Variants in PHF8 observed in about 807,000 individuals in gnomAD.
PHF8 encodes PHD finger protein 8, also known as histone lysine demethylase PHF8.
Under a neutral mutation model 74.4 loss-of-function variants are expected in PHF8, and 9 were observed. The ratio of observed to expected loss-of-function variants is 0.12; its 90% confidence interval spans 0.07 to 0.21. The LOEUF is 0.21. Ranked by LOEUF, PHF8 falls within the 10% of genes least tolerant of loss-of-function variation. The probability of loss-of-function intolerance (pLI) is 1.00; values close to 1 mark genes in which losing one functional copy is unlikely to be tolerated. For synonymous variants in PHF8, 311 were observed against 316.6 expected (o/e 0.98, Z 0.19); for missense variants, 478 against 816.6 (o/e 0.59, Z 5.05).
intron 2 of PHF8, among the ~76,000 whole-genome samples, chrX:54,027,754 C>T (rs891443882): frequency 9.0e-6 from 1 of 110,912 alleles, no homozygotes; most frequent in East Asian, 2.8e-4. Flanking sequence ...AATGAGCATC[C>T]GCCAGGCTCT....
Position 54,022,391 on chromosome X carries a change from T to C in PHF8, c.185-24A>G, listed in dbSNP as rs181296301. 7.0e-6 allele frequency: 7 copies of C among 1,000,825 alleles called. No individual in the cohort carries two copies. In the East Asian group the frequency reaches 2.1e-4, roughly 30 times the overall value. The allele number at this position is 1,000,825 out of a possible 1,213,427, so 82.5% of individuals were successfully genotyped here. On this transcript the variant is annotated intron_variant, in intron 3 of 21. Coordinates refer to ENST00000338154, the MANE Select transcript of PHF8 (RefSeq NM_015107.3). ...CACTAAGCCAGAAAAACATGAGAGATTGTGAGTCAGAACGGTCATGAGCTA... is the reference window on the plus strand; with the variant it reads ...CACTAAGCCAGAAAAACATGAGAGACTGTGAGTCAGAACGGTCATGAGCTA...
At chrX:54,023,532 A>G (rs1557110588) in intron 2 of PHF8, among the ~76,000 whole-genome samples, 1 of 109,603 alleles carries the variant, frequency 9.1e-6, no homozygotes, top group Non-Finnish European at 1.9e-5. Context: ...TTCCCTTACT[A>G]GGGAAGGCAC....
At chrX:53,959,320 G>A (rs782221331) in intron 19 of PHF8, among the ~76,000 whole-genome samples, 2 of 111,613 alleles carry the variant, frequency 1.8e-5, no homozygotes, top group Admixed American at 1.9e-4. Flanking sequence ...AACTCCAAGA[G>A]TCTCTGAATG....
At chrX:53,985,728 T>C in intron 17 of PHF8, 88 bp downstream of exon 17, 1 of 1,194,271 alleles carries the variant, frequency 8.4e-7, no homozygotes, top group Non-Finnish European at 1.1e-6. Context: ...TCTATAAATA[T>C]CTACTGATTG....
chrX:53,975,336 G>T (rs1557095712), intron 18 of PHF8, among the ~76,000 whole-genome samples: 2 of 111,896 alleles, frequency 1.8e-5, no homozygotes, highest in Non-Finnish European at 3.8e-5. Context: ...AGTAAAAATA[G>T]AACTACCATA....
chrX:53,937,742 T>G lies in PHF8; in HGVS notation c.*1416A>C. 2.7e-6 allele frequency: 1 copy of G among 363,753 alleles called. No individual in the cohort carries two copies. The allele number at this position is 363,753 out of a possible 1,213,427, so 30.0% of individuals were successfully genotyped here. A position where few individuals can be genotyped will look rare whatever the true frequency, so the allele number is the denominator to read the frequency against. On this transcript the variant is annotated 3_prime_UTR_variant, in exon 22 of 22. Coordinates refer to ENST00000338154, the MANE Select transcript of PHF8 (RefSeq NM_015107.3). The stretch of plus-strand genomic sequence containing the variant: ...TTCCCTGTGGCCTGCATGGTAGCTA[T>G]TAAATTCCCCAGAAGCATTGGGCAA...
intron 11 of PHF8, among the ~76,000 whole-genome samples, chrX:53,998,959 C>T (rs1557103614): frequency 1.8e-5 from 2 of 111,878 alleles, no homozygotes; most frequent in African/African-American, 6.5e-5. Flanking sequence ...AAACTATCCC[C>T]TCAAAGAAAT....
chrX:53,949,811 C>CAAAAAAAAAAA (rs11353359), intron 19 of PHF8, among the ~76,000 whole-genome samples: 20 of 24,335 alleles, frequency 8.2e-4, no homozygotes, highest in Non-Finnish European at 9.7e-4. Flanking sequence ...GACTCCGTCT[C>CAAAAAAAAAAA]AAAAAAAAAA....
intron 11 of PHF8, among the ~76,000 whole-genome samples, chrX:53,999,241 ACTC>A (rs1252777159): frequency 8.1e-5 from 9 of 111,476 alleles, no homozygotes; most frequent in Non-Finnish European, 1.7e-4. Context: ...TCCTCAGCCT[ACTC>A]CATGTGAAGA....
At position 54,024,274 on chromosome X, in the gene PHF8, T is replaced by C. The variant is rs188176019; in HGVS notation, c.99-1431A>G. ...CCCATCTCTACAAAAATAATACTAA[T>C]GTGTGTAGCACAGTGAGCATAAAGT... On this transcript the variant is annotated intron_variant, in intron 2 of 21. Transcript: ENST00000338154. Among the ~76,000 whole-genome samples, 15 of 112,084 alleles carry C rather than the reference T, an allele frequency of 1.3e-4. No individual in the cohort carries two copies. In the East Asian group the frequency reaches 2.0e-3, roughly 15 times the overall value.
intron 14 of PHF8, among the ~76,000 whole-genome samples, chrX:53,990,647 A>C (rs1248031288): frequency 9.1e-6 from 1 of 110,488 alleles, no homozygotes; most frequent in Non-Finnish European, 1.9e-5. Context: ...CCCTACTCTC[A>C]CTCCTTTTTC....
rs1234249711 is a variant in PHF8 at position 54,016,647 on chromosome X, C to T, written c.544G>A (p.Gly182Arg). The T allele has an allele frequency of 1.0e-5, 12 of 1,197,645 alleles. No individual in the cohort carries two copies. The highest frequency in any genetic ancestry group is 1.8e-5 in the South Asian group (1 of 56,519). ...ACATTGAGGACTTTCTCCCTCTTCC[C>T]GCTGTAATAGTATTTCACAAAATCA... The part of the protein sequence containing the change: ...LGDFVKYYYS[G>R]KREKVLNVIS... Residue 182 changes from glycine (G) to arginine (R), a missense_variant, in exon 6 of 22, where the codon GGG becomes AGG. Gly to Arg is a moderately radical substitution (Grantham distance 125). Transcript: ENST00000338154.
chrX:53,979,458 G>A (rs2065444628), intron 18 of PHF8, among the ~76,000 whole-genome samples: 3 of 111,780 alleles, frequency 2.7e-5, no homozygotes, highest in Admixed American at 1.9e-4. Flanking sequence ...CATCAACAGA[G>A]CTTTCAACTC....
At position 54,016,747 on chromosome X, in the gene PHF8, G is replaced by C. The variant is rs782016879; in HGVS notation, c.455-11C>G. On this transcript the variant is annotated splice_polypyrimidine_tract_variant and intron_variant, in intron 5 of 21. Transcript: ENST00000338154. ...TCTCTTTGTCAGAACCTGGAGTAAA[G>C]AGATAGGTTCTGCACCAAGTAGTCT... 1.3e-5 allele frequency: 15 copies of C among 1,192,328 alleles called. No individual in the cohort carries two copies. Among genetic ancestry groups the C allele is most frequent in the Non-Finnish European group, 1.6e-5 (14 of 879,681 alleles).
intron 2 of PHF8, chrX:54,040,066 G>A (rs999472403): frequency 4.5e-5 from 5 of 112,038 alleles, no homozygotes; most frequent in Admixed American, 9.5e-5. Context: ...ACAACAAGCA[G>A]GTCTCACTAT....
intron 11 of PHF8, among the ~76,000 whole-genome samples, chrX:53,996,228 T>G (rs2065745664): frequency 9.1e-6 from 1 of 110,406 alleles, no homozygotes; most frequent in Non-Finnish European, 1.9e-5. Flanking sequence ...GCGATTCTCC[T>G]GCCTCAGCCT....
chrX:53,938,850 A>C lies in PHF8; in HGVS notation c.*308T>G, dbSNP rs41315092. On this transcript the variant is annotated 3_prime_UTR_variant, in exon 22 of 22. Coordinates refer to ENST00000338154, the MANE Select transcript of PHF8 (RefSeq NM_015107.3). ...CTTCCAGCTCTAGCGGGGGATGAAG[A>C]ATAAAGAACAGACAAGGCAGGTGAC... 8.5e-3 allele frequency: 7,310 copies of C among 856,007 alleles called. 25 individuals carry two copies. The highest frequency in any genetic ancestry group is 1.0e-2 in the Non-Finnish European group (7,035 of 704,969). 70.5% of individuals were successfully genotyped at this position (856,007 alleles called of 1,213,427 possible).
At chrX:53,970,121 C>T (rs2065270747) in intron 18 of PHF8, among the ~76,000 whole-genome samples, 1 of 111,578 alleles carries the variant, frequency 9.0e-6, no homozygotes. Context: ...TGCAAGAATA[C>T]ACAAATATAA....
intron 18 of PHF8, among the ~76,000 whole-genome samples, chrX:53,978,969 A>G (rs1402994022): frequency 1.8e-5 from 2 of 111,375 alleles, no homozygotes; most frequent in African/African-American, 6.5e-5. Context: ...CAAAGGGGGT[A>G]GTAACACAAA....
Sources: allele counts gnomAD v4.1 joint callset (sites outside exome capture counted in the v4.1 genomes callset), GRCh38; gene constraint gnomAD v4.1.1; transcripts MANE v1.5; gene names NCBI Gene and HGNC (gene_info 2026-07-23, HGNC 2026-07-21).